MORC1: variants seen among roughly 807,000 people sequenced by gnomAD.
MORC1 encodes MORC family CW-type zinc finger protein 1.
Under a neutral mutation model 134.9 loss-of-function variants are expected in MORC1, and 59 were observed. That is an observed-to-expected ratio of 0.44 (90% confidence interval 0.35 to 0.54). MORC1 has a LOEUF of 0.54. Ranked by LOEUF, MORC1 falls within the 20% of genes least tolerant of loss-of-function variation. MORC1 has a pLI of 0.00. For missense variants in MORC1, 947 were observed against 1,134.5 expected (o/e 0.83, Z 2.37); for synonymous variants, 395 against 391.7 (o/e 1.01, Z -0.10).
At chr3:109,021,202 T>G (rs1948949949) in intron 17 of MORC1, among the ~76,000 whole-genome samples, 2 of 152,184 alleles carry the variant, frequency 1.3e-5, no homozygotes, top group Non-Finnish European at 2.9e-5. Context: ...AGACAGCCTC[T>G]GATAGTCCCT....
intron 23 of MORC1, among the ~76,000 whole-genome samples, chr3:108,980,483 C>T (rs1327907811): frequency 6.6e-6 from 1 of 152,198 alleles, no homozygotes; most frequent in African/African-American, 2.4e-5. Context: ...CCTGAGGTGC[C>T]ATTCATGATA....
chr3:109,117,895 T>C, intron 1 of MORC1, 100 bp downstream of exon 1: 1 of 935,390 alleles, frequency 1.1e-6, no homozygotes, highest in Non-Finnish European at 1.7e-6. Context: ...AATCCATAAA[T>C]CAAGTTCACT....
chr3:108,982,792 A>G (rs950938421), intron 23 of MORC1, among the ~76,000 whole-genome samples: 2 of 151,674 alleles, frequency 1.3e-5, no homozygotes, highest in African/African-American at 4.8e-5. Flanking sequence ...GTTATGGGAC[A>G]TTTTCACCAG....
At chr3:109,068,177 T>C (rs756243561) in intron 9 of MORC1, among the ~76,000 whole-genome samples, 11 of 152,194 alleles carry the variant, frequency 7.2e-5, no homozygotes, top group Non-Finnish European at 1.5e-4. Context: ...CCAATAGATA[T>C]CAAGGTCCTC....
chr3:108,974,655 G>A (rs1285178901), intron 24 of MORC1, among the ~76,000 whole-genome samples: 2 of 152,136 alleles, frequency 1.3e-5, no homozygotes, highest in East Asian at 3.9e-4. Context: ...CATTTCAATG[G>A]GACTTTTGTC....
intron 23 of MORC1, 51 bp from the exon 24 acceptor site, chr3:108,979,718 A>G (rs1309440658): frequency 1.9e-6 from 3 of 1,589,838 alleles, no homozygotes; most frequent in Non-Finnish European, 2.6e-6. Context: ...TAATAATTTC[A>G]GAAACACTAA....
Position 108,984,866 on chromosome 3 carries a change from T to C in MORC1, c.2258-84A>G, listed in dbSNP as rs536595324. ...AAAGAAATGTTAGCAGTTCATTAAC[T>C]ACCTCTGTATAATATGGATTTGTAT... On this transcript the variant is annotated intron_variant, in intron 22 of 27. Transcript: ENST00000232603. 205 of 946,922 alleles carry C rather than the reference T, an allele frequency of 2.2e-4. 2 individuals are homozygous for C. The East Asian group carries it at 5.4e-3, about 25-fold the overall frequency. 58.7% of individuals were successfully genotyped at this position (946,922 alleles called of 1,614,324 possible).
chr3:108,996,583 T>C (rs1002726369), intron 21 of MORC1, among the ~76,000 whole-genome samples: 3 of 152,206 alleles, frequency 2.0e-5, no homozygotes, highest in African/African-American at 7.2e-5. Flanking sequence ...CCTGGAGCTT[T>C]AACCAAATCC....
rs369150269 is a variant in MORC1, at chr3:109,054,735, G to A, written c.1323C>T (p.Thr441=). The A allele has an allele frequency of 1.5e-5, 23 of 1,539,516 alleles. No individual in the cohort carries two copies. Among genetic ancestry groups the A allele is most frequent in the East Asian group, 9.6e-5 (4 of 41,662 alleles). ...TGACTATTGAATACTCACTGATGCC[G>A]GTGTCCTTACAGTACTGGACCAAGT... is the stretch of plus-strand genomic sequence containing the variant. ...GQYLVQYCKD[T]GINNRNLTLF... is the part of the protein sequence containing the mutation. The change falls in exon 14 of 28, where the codon ACC becomes ACT. Residue 441 remains threonine (T), a synonymous_variant. Coordinates refer to ENST00000232603, the MANE Select transcript of MORC1 (RefSeq NM_014429.4).
At chr3:109,088,004 G>A (rs1950648476) in intron 8 of MORC1, among the ~76,000 whole-genome samples, 1 of 152,092 alleles carries the variant, frequency 6.6e-6, no homozygotes, top group Non-Finnish European at 1.5e-5. Context: ...AAATGGTGCT[G>A]GGATAACTGG....
intron 17 of MORC1, among the ~76,000 whole-genome samples, chr3:109,009,989 C>A (rs4428191): frequency 0.26 from 39,190 of 151,994 alleles, 5,264 homozygotes; most frequent in Middle Eastern, 0.43. Context: ...TAATTGTAAG[C>A]AATTCTTTCC....
At position 109,022,384 on chromosome 3, in the gene MORC1, C is replaced by G. The variant is rs76100801; in HGVS notation, c.1704+5367G>C. On this transcript the variant is annotated intron_variant, in intron 17 of 27. Transcript: ENST00000232603. Reference sequence around the variant, plus strand: ...AATCTGAAAAACACAGCTAAAAGTTCGGCAAGCCTTCTTTGTTATGCATTT... The same window carrying G: ...AATCTGAAAAACACAGCTAAAAGTTGGGCAAGCCTTCTTTGTTATGCATTT... Among the ~76,000 whole-genome samples the G allele has an allele frequency of 5.1e-3, 778 of 152,286 alleles. 18 individuals carry two copies. The highest frequency in any genetic ancestry group is 0.018 in the African/African-American group (747 of 41,560).
intron 8 of MORC1, 26 bp downstream of exon 8, chr3:109,093,410 A>C: frequency 6.4e-7 from 1 of 1,572,208 alleles, no homozygotes; most frequent in East Asian, 2.2e-5. Context: ...CATTGTTGAA[A>C]AACATTCTGT....
intron 22 of MORC1, among the ~76,000 whole-genome samples, chr3:108,986,084 G>A (rs1174723010): frequency 6.6e-6 from 1 of 152,078 alleles, no homozygotes; most frequent in East Asian, 1.9e-4. Flanking sequence ...TAAAGAAAAG[G>A]ATTGGGAATG....
At chr3:108,996,286 G>GCGCGCGCGCGCGCACACACA in intron 21 of MORC1, among the ~76,000 whole-genome samples, 1 of 146,382 alleles carries the variant, frequency 6.8e-6, no homozygotes, top group Admixed American at 6.8e-5. Flanking sequence ...GCGCGCGCGC[G>GCGCGCGCGCGCGCACACACA]CACACACACA....
chr3:109,018,054 A>C (rs1948857615), intron 17 of MORC1, among the ~76,000 whole-genome samples: 1 of 152,180 alleles, frequency 6.6e-6, no homozygotes, highest in Admixed American at 6.5e-5. Flanking sequence ...GCACCAGACC[A>C]AGAGATTCTT....
At chr3:109,101,542 A>C (rs1240075064) in intron 4 of MORC1, 1 of 152,238 alleles carries the variant, frequency 6.6e-6, no homozygotes, top group Non-Finnish European at 1.5e-5. Context: ...GCTATAGTTC[A>C]GTGGCACATG....
At chr3:108,960,961 T>A (rs1327965140) in intron 27 of MORC1, among the ~76,000 whole-genome samples, 2 of 152,230 alleles carry the variant, frequency 1.3e-5, no homozygotes, top group Non-Finnish European at 2.9e-5. Flanking sequence ...TTGACCTTGA[T>A]GGAGATTATG....
In MORC1 at chr3:109,049,216, AC is replaced by A; in HGVS notation, c.1330+5511del. ...GAGACTAAATTGCATCATATGGAAA[AC>A]AAAATTCTGTTGTGAGCAACTAGCT... On this transcript the variant is annotated intron_variant, in intron 14 of 27. Transcript: ENST00000232603. 4 of 918,028 alleles carry A rather than the reference AC, an allele frequency of 4.4e-6. No homozygotes were observed. In the South Asian group the frequency reaches 2.0e-4, roughly 46 times the overall value. The allele number at this position is 918,028 out of a possible 1,614,324, so 56.9% of individuals were successfully genotyped here.
Sources: gnomAD v4.1 joint callset for allele counts (sites outside exome capture counted in the v4.1 genomes callset) on GRCh38, gnomAD v4.1.1 for gene constraint, MANE v1.5 for transcripts, NCBI Gene and HGNC (gene_info 2026-07-23, HGNC 2026-07-21) for gene names.